The following PID1 variants were observed in gnomAD, a reference collection of about 807,000 sequenced individuals.
PID1 encodes the protein PTB-containing, cubilin and LRP1-interacting protein.
In PID1, 10 loss-of-function variants were observed where a neutral mutation model predicts 19.1. That is an observed-to-expected ratio of 0.52 (90% CI 0.32 to 0.89). PID1 has a LOEUF of 0.89. Ranked by LOEUF, PID1 falls within the 40% of genes least tolerant of loss-of-function variation. PID1 has a pLI of 0.03. For missense variants in PID1, 248 were observed against 285.3 expected, an observed-to-expected ratio of 0.87 and a Z score of 0.94; for synonymous variants, 130 against 116.0, an observed-to-expected ratio of 1.12 and a Z score of -0.78.
chr2:229,262,346 C>T (rs905917864), intron 1 of PID1, among the ~76,000 whole-genome samples: 4 of 152,174 alleles, frequency 2.6e-5, no homozygotes, highest in Admixed American at 6.5e-5. Flanking sequence ...AGCAACACAG[C>T]ACATGTTACA....
intron 2 of PID1, among the ~76,000 whole-genome samples, chr2:229,044,254 G>A (rs772117632): frequency 2.6e-5 from 4 of 152,028 alleles, no homozygotes; most frequent in Non-Finnish European, 4.4e-5. Flanking sequence ...GCATGAGGAT[G>A]CTGAGATGCT....
chr2:229,165,019 C>G (rs947695924), intron 1 of PID1, among the ~76,000 whole-genome samples: 1 of 152,130 alleles, frequency 6.6e-6, no homozygotes, highest in Non-Finnish European at 1.5e-5. Flanking sequence ...TCACACAGGG[C>G]CAGTTACATT....
intron 2 of PID1, among the ~76,000 whole-genome samples, chr2:229,027,808 C>T (rs554028082): frequency 2.6e-5 from 4 of 152,298 alleles, no homozygotes; most frequent in African/African-American, 7.2e-5. Context: ...GAGCAGAAGC[C>T]GTGTAAGAGG....
chr2:229,231,826 CCTCTT>C, intron 1 of PID1: 3 of 1,524,468 alleles, frequency 2.0e-6, no homozygotes, highest in Non-Finnish European at 2.6e-6. Context: ...ACTTCCCACT[CCTCTT>C]CTTTTACCTC....
chr2:229,258,386 G>A (rs1411811136), intron 1 of PID1, among the ~76,000 whole-genome samples: 4 of 152,116 alleles, frequency 2.6e-5, no homozygotes, highest in African/African-American at 4.8e-5. Flanking sequence ...AGAAGAGAAC[G>A]CCAAGAAAAA....
intron 2 of PID1, among the ~76,000 whole-genome samples, chr2:229,048,044 G>A (rs1250170449): frequency 6.6e-6 from 1 of 152,164 alleles, no homozygotes; most frequent in East Asian, 1.9e-4. Context: ...GCTTTTTAGG[G>A]TGAGCCTCAG....
At chr2:229,231,976 T>C (rs1692219420) in intron 1 of PID1, 1 of 1,550,362 alleles carries the variant, frequency 6.5e-7, no homozygotes, top group African/African-American at 1.4e-5. Flanking sequence ...TGTTTGATTG[T>C]CTTGTGAGAG....
At chr2:229,070,604 G>A (rs923061693) in intron 2 of PID1, among the ~76,000 whole-genome samples, 1 of 152,154 alleles carries the variant, frequency 6.6e-6, no homozygotes, top group African/African-American at 2.4e-5. Context: ...CCAATGTTGA[G>A]AATGATGATG....
chr2:229,262,785 G>T, intron 1 of PID1: 1 of 1,551,494 alleles, frequency 6.4e-7, no homozygotes, highest in Non-Finnish European at 8.7e-7. Context: ...ACATCAGGTG[G>T]TTGCCAGCAA....
chr2:229,251,314 C>T (rs1035304567), intron 1 of PID1, among the ~76,000 whole-genome samples: 1 of 151,158 alleles, frequency 6.6e-6, no homozygotes, highest in African/African-American at 2.4e-5. Flanking sequence ...GTAGAATGCA[C>T]AGAAAGTTAA....
At chr2:229,252,129 C>T (rs966416639) in intron 1 of PID1, among the ~76,000 whole-genome samples, 1 of 151,878 alleles carries the variant, frequency 6.6e-6, no homozygotes, top group Non-Finnish European at 1.5e-5. Context: ...GTGATGGCCC[C>T]TTGGGAAAGC....
chr2:229,068,280 C>G (rs1289416228), intron 2 of PID1, among the ~76,000 whole-genome samples: 1 of 152,148 alleles, frequency 6.6e-6, no homozygotes, highest in African/African-American at 2.4e-5. Context: ...AAAGTCTCCA[C>G]AGTGCCAGAA....
In PID1 at chr2:229,100,681, C is replaced by T. The variant is rs113600935; in HGVS notation, c.177+55137G>A. ...GATGCAGATCCAAGGTCCCTTGACT[C>T]CCCAGATGGTTTGGTTCACTAAAAT... On this transcript the variant is annotated intron_variant, in intron 2 of 2. Transcript: ENST00000392055. Among the ~76,000 whole-genome samples, 522 of 152,256 alleles carry T rather than the reference C, an allele frequency of 3.4e-3. 4 individuals are homozygous for T. The highest frequency in any genetic ancestry group is 0.012 in the African/African-American group (505 of 41,542).
At chr2:229,213,690 T>C (rs1023689841) in intron 1 of PID1, among the ~76,000 whole-genome samples, 2 of 152,196 alleles carry the variant, frequency 1.3e-5, no homozygotes, top group African/African-American at 2.4e-5. Context: ...AAGGTAAACA[T>C]TATATCTTCC....
chr2:229,060,620 C>T (rs1455556355), intron 2 of PID1, among the ~76,000 whole-genome samples: 1 of 152,052 alleles, frequency 6.6e-6, no homozygotes, highest in Non-Finnish European at 1.5e-5. Flanking sequence ...TCCAATTCCT[C>T]TGGTTCTATA....
At position 229,025,294 on chromosome 2, in the gene PID1, A is replaced by G. The variant is rs1326345849; in HGVS notation, c.*338T>C. ...AAGGCAGATCGGAATGGCCCATCCA[A>G]TAACAGCTGCAGAGTATTTGCCTGA... is the stretch of plus-strand genomic sequence containing the variant. On this transcript the variant is annotated 3_prime_UTR_variant, in exon 3 of 3. Transcript: ENST00000392055. 2 of 266,710 alleles carry G rather than the reference A, an allele frequency of 7.5e-6. No individual in the cohort carries two copies. Among genetic ancestry groups the G allele is most frequent in the Non-Finnish European group, 1.5e-5 (2 of 137,060 alleles). The allele number at this position is 266,710 out of a possible 1,614,324, so 16.5% of individuals were successfully genotyped here. A position where few individuals can be genotyped will look rare whatever the true frequency, so the allele number is the denominator to read the frequency against.
At chr2:229,106,620 A>G (rs534204515) in intron 2 of PID1, among the ~76,000 whole-genome samples, 1 of 152,218 alleles carries the variant, frequency 6.6e-6, no homozygotes, top group Non-Finnish European at 1.5e-5. Flanking sequence ...GTGAGGACAC[A>G]TAGAAGGCGC....
chr2:229,130,953 G>A (rs988356991), intron 2 of PID1, among the ~76,000 whole-genome samples: 1 of 152,164 alleles, frequency 6.6e-6, no homozygotes, highest in African/African-American at 2.4e-5. Flanking sequence ...ATCTTCACAT[G>A]ATGGCATTCT....
chr2:229,157,647 G>A (rs776019015), intron 1 of PID1, among the ~76,000 whole-genome samples: 5 of 152,112 alleles, frequency 3.3e-5, no homozygotes, highest in Non-Finnish European at 7.4e-5. Context: ...GAGTCAAAGT[G>A]AGTACAAGGT....
Sources: gnomAD v4.1 joint callset for allele counts (sites outside exome capture counted in the v4.1 genomes callset) on GRCh38, gnomAD v4.1.1 for gene constraint, MANE v1.5 for transcripts, NCBI Gene and HGNC (gene_info 2026-07-23, HGNC 2026-07-21) for gene names.